LRBA: variants seen among roughly 807,000 people sequenced by gnomAD.
The protein encoded by LRBA is lipopolysaccharide-responsive and beige-like anchor protein.
In LRBA, 176 loss-of-function variants were observed where a neutral mutation model predicts 330.0. That is an observed-to-expected ratio of 0.53 (90% CI 0.47 to 0.60). LRBA has a LOEUF of 0.60. LRBA is among the 20% of genes least tolerant of loss of function. LRBA has a pLI of 0.00. For synonymous variants in LRBA, 1,230 were observed against 1,193.0 expected (o/e 1.03, Z -0.64); for missense variants, 3,259 against 3,444.8 (o/e 0.95, Z 1.35).
At chr4:150,768,924 CTCCTT>C (rs1736150559) in intron 34 of LRBA, among the ~76,000 whole-genome samples, 2 of 130,316 alleles carry the variant, frequency 1.5e-5, no homozygotes, top group Non-Finnish European at 3.1e-5. Flanking sequence ...CAAGTGCTGT[CTCCTT>C]TTTTTTTTTT....
At chr4:150,271,313 GTTTT>G (rs34560876) in intron 56 of LRBA, among the ~76,000 whole-genome samples, 1 of 144,222 alleles carries the variant, frequency 6.9e-6, no homozygotes, top group Non-Finnish European at 1.5e-5. Flanking sequence ...AGCTGCAGGA[GTTTT>G]TTTTTTTTTT....
At chr4:150,371,182 A>ATTT (rs70937395) in intron 47 of LRBA, among the ~76,000 whole-genome samples, 31 of 91,928 alleles carry the variant, frequency 3.4e-4, no homozygotes, top group African/African-American at 4.8e-4. Flanking sequence ...AAGCTACTAA[A>ATTT]TTTTTTTTTT....
chr4:150,725,477 T>C lies in LRBA; in HGVS notation c.5754+9781A>G, dbSNP rs575196834. 4.6e-5 allele frequency among the ~76,000 whole-genome samples: 7 copies of C among 152,308 alleles called. No individual in the cohort carries two copies. In the East Asian group the frequency reaches 1.4e-3, roughly 29 times the overall value. On this transcript the variant is annotated intron_variant, in intron 36 of 56. Transcript: ENST00000651943. ...AAAACACTTTTACTCTAGAATAGTATATCCAGTGAAAATATCCTTTAAGCA... is the reference window on the plus strand; with the variant it reads ...AAAACACTTTTACTCTAGAATAGTACATCCAGTGAAAATATCCTTTAAGCA...
chr4:150,579,338 A>G (rs1437178432), intron 40 of LRBA: 2 of 455,974 alleles, frequency 4.4e-6, no homozygotes, highest in Admixed American at 2.4e-5. Context: ...AGCTGCTCTT[A>G]GAGCAGAGGC....
In LRBA at chr4:150,748,092, G is replaced by C. The variant is rs532226440; in HGVS notation, c.5646-12726C>G. 1.8e-3 allele frequency among the ~76,000 whole-genome samples: 275 copies of C among 152,212 alleles called. 1 individual carries two copies. The highest frequency in any genetic ancestry group is 2.9e-3 in the Non-Finnish European group (197 of 68,012). ...AGCGCCAAAGTCCACTCAAACTCAA[G>C]AAATAATCTTTGATTTTGTCATTTC... On this transcript the variant is annotated intron_variant, in intron 35 of 56. Transcript: ENST00000651943.
At chr4:150,742,779 T>C (rs1732194707) in intron 35 of LRBA, among the ~76,000 whole-genome samples, 1 of 151,940 alleles carries the variant, frequency 6.6e-6, no homozygotes, top group South Asian at 2.1e-4. Flanking sequence ...ACATCTGTAG[T>C]CTCAGCTACT....
intron 22 of LRBA, among the ~76,000 whole-genome samples, chr4:150,864,570 C>T (rs1464397074): frequency 6.6e-6 from 1 of 151,440 alleles, no homozygotes; most frequent in Non-Finnish European, 1.5e-5. Flanking sequence ...TAAAGAAAAT[C>T]CACCCTCATA....
At chr4:150,294,963 A>G (rs1560975793) in intron 53 of LRBA, among the ~76,000 whole-genome samples, 1 of 151,946 alleles carries the variant, frequency 6.6e-6, no homozygotes, top group Non-Finnish European at 1.5e-5. Context: ...AAAAAAAAAA[A>G]TAGTAGTAGT....
At chr4:150,465,707 A>G (rs1383662375) in intron 44 of LRBA, among the ~76,000 whole-genome samples, 1 of 152,098 alleles carries the variant, frequency 6.6e-6, no homozygotes, top group Non-Finnish European at 1.5e-5. Flanking sequence ...GTTGAGTTTT[A>G]GGAGTCTCTA....
chr4:150,467,051 G>A lies in LRBA; in HGVS notation c.6780+622C>T, dbSNP rs1427276977. On this transcript the variant is annotated intron_variant, in intron 44 of 56. Transcript: ENST00000651943. The stretch of plus-strand genomic sequence containing the variant: ...AGTGCCTGGTCATACCAGAGAGCAT[G>A]AAAGTTATCAAAGACTACAAACAGT... 3.3e-5 allele frequency among the ~76,000 whole-genome samples: 5 copies of A among 152,222 alleles called. No individual in the cohort carries two copies. In the East Asian group the frequency reaches 9.6e-4, roughly 29 times the overall value.
In LRBA at chr4:150,583,465, C is replaced by T. The variant is rs1771668835; in HGVS notation, c.6330+4583G>A. On this transcript the variant is annotated intron_variant, in intron 40 of 56. Coordinates refer to ENST00000651943, the MANE Select transcript of LRBA (RefSeq NM_001364905.1). This position sits in a 1 kb window ranked among gnomAD's most constrained non-coding sequence, Gnocchi z 9.8. ...CCAGGCGGTGGACAAGTGCAGCTAT[C>T]GGGATGTGGTCAAGATGATCGCGGA... 2 of 1,613,700 alleles carry T rather than the reference C, an allele frequency of 1.2e-6. No individual in the cohort carries two copies. Among genetic ancestry groups the T allele is most frequent in the African/African-American group, 1.3e-5 (1 of 74,916 alleles).
chr4:150,455,705 A>G (rs1753970511), intron 44 of LRBA, among the ~76,000 whole-genome samples: 2 of 152,116 alleles, frequency 1.3e-5, no homozygotes, highest in African/African-American at 4.8e-5. Flanking sequence ...GTACAATTAT[A>G]TTAGTGTTGA....
chr4:150,272,467 T>G (rs1192381395), intron 56 of LRBA, among the ~76,000 whole-genome samples: 1 of 151,636 alleles, frequency 6.6e-6, no homozygotes, highest in East Asian at 2.0e-4. Context: ...GCTGAACAGT[T>G]TGAGAAATTA....
chr4:150,348,006 T>G (rs773418002), intron 48 of LRBA, among the ~76,000 whole-genome samples: 1 of 152,186 alleles, frequency 6.6e-6, no homozygotes, highest in Non-Finnish European at 1.5e-5. Flanking sequence ...AGCATTTAGT[T>G]CCTTAGTCAC....
At chr4:150,378,655 T>A (rs1028331307) in intron 47 of LRBA, among the ~76,000 whole-genome samples, 17 of 152,114 alleles carry the variant, frequency 1.1e-4, no homozygotes, top group African/African-American at 4.1e-4. Context: ...TGTGGACAGG[T>A]AAAGAAGAGC....
At chr4:150,923,868 C>T (rs1190759830) in intron 4 of LRBA, among the ~76,000 whole-genome samples, 1 of 152,126 alleles carries the variant, frequency 6.6e-6, no homozygotes, top group Non-Finnish European at 1.5e-5. Context: ...TAATTACTAC[C>T]TGTGTAAAAG....
chr4:150,856,005 T>C (rs1482868300), intron 22 of LRBA, among the ~76,000 whole-genome samples: 1 of 152,000 alleles, frequency 6.6e-6, no homozygotes, highest in East Asian at 1.9e-4. Context: ...AATATAGAGG[T>C]CAAGAGAACT....
chr4:150,462,175 A>C lies in LRBA; in HGVS notation c.6780+5498T>G, dbSNP rs144457618. 1.6e-4 allele frequency among the ~76,000 whole-genome samples: 24 copies of C among 151,968 alleles called. No homozygotes were observed. The East Asian group carries it at 4.1e-3, about 26-fold the overall frequency. On this transcript the variant is annotated intron_variant, in intron 44 of 56. Coordinates refer to ENST00000651943, the MANE Select transcript of LRBA (RefSeq NM_001364905.1). ...AAAATATGGATTAATGTCACTCCAA[A>C]TTCTATGCATGGTTAGATCTGTCTT...
intron 47 of LRBA, among the ~76,000 whole-genome samples, chr4:150,403,134 C>T (rs1477991762): frequency 2.0e-5 from 3 of 152,184 alleles, no homozygotes; most frequent in East Asian, 1.9e-4. Context: ...ACAGCAGAGC[C>T]GCTGCTTTTC....
Sources: allele counts gnomAD v4.1 joint callset (sites outside exome capture counted in the v4.1 genomes callset), GRCh38; gene constraint gnomAD v4.1.1; non-coding constraint Gnocchi (gnomAD v3.1); transcripts MANE v1.5; gene names NCBI Gene and HGNC (gene_info 2026-07-23, HGNC 2026-07-21).